The following SEL1L3 variants were observed in gnomAD, a reference collection of about 807,000 sequenced individuals.
The protein encoded by SEL1L3 is SEL1L family member 3.
In SEL1L3, 76 loss-of-function variants were observed where a neutral mutation model predicts 142.8. That is an observed-to-expected ratio of 0.53 (90% CI 0.44 to 0.64). SEL1L3 has a LOEUF of 0.64. Ranked by LOEUF, SEL1L3 falls within the 30% of genes least tolerant of loss-of-function variation. The probability of loss-of-function intolerance (pLI) is 0.00; values close to 1 mark genes in which losing one functional copy is unlikely to be tolerated. For missense variants in SEL1L3, 1,262 were observed against 1,381.7 expected (o/e 0.91, Z 1.37); for synonymous variants, 504 against 519.6 (o/e 0.97, Z 0.41).
At chr4:25,743,889 C>A (rs1173027120), downstream of SEL1L3, among the ~76,000 whole-genome samples, 1 of 152,112 alleles carries the variant, frequency 6.6e-6, no homozygotes, top group Non-Finnish European at 1.5e-5. Context: ...GTGCAGGGTT[C>A]TATTCCAGCC....
At chr4:25,719,812 G>A in the SEL1L3 span, 5 of 152,066 alleles carry the variant, frequency 3.3e-5, no homozygotes, top group African/African-American at 1.2e-4. Context: ...GTAAGGAAAG[G>A]CCCACGGCAG....
chr4:25,863,516 C>T (rs995401686), upstream of SEL1L3: 118 of 702,736 alleles, frequency 1.7e-4, 2 homozygotes, highest in East Asian at 3.1e-3. Flanking sequence ...GCGCCATTCC[C>T]GCAGGGCGCA....
intron 1 of SEL1L3, among the ~76,000 whole-genome samples, chr4:25,852,121 A>G (rs771215641): frequency 5.9e-5 from 9 of 152,186 alleles, no homozygotes; most frequent in Non-Finnish European, 1.0e-4. Context: ...ACATATAAAA[A>G]TCATCTCATA....
intron 23 of SEL1L3, among the ~76,000 whole-genome samples, chr4:25,752,208 G>A (rs1193887236): frequency 6.7e-6 from 1 of 150,018 alleles, no homozygotes; most frequent in Middle Eastern, 3.3e-3. Flanking sequence ...CTTGAGGTCA[G>A]GAGTTCAAGA....
At chr4:25,825,213 AT>A (rs1408600770) in intron 6 of SEL1L3, among the ~76,000 whole-genome samples, 1 of 152,150 alleles carries the variant, frequency 6.6e-6, no homozygotes, top group Non-Finnish European at 1.5e-5. Flanking sequence ...AATTGTCATT[AT>A]TATCAAGCAA....
intron 2 of SEL1L3, among the ~76,000 whole-genome samples, chr4:25,840,830 TCAA>T (rs1372555350): frequency 6.6e-6 from 1 of 152,118 alleles, no homozygotes; most frequent in Admixed American, 6.5e-5. Flanking sequence ...AGAATCCTAC[TCAA>T]CACCATGCTC....
chr4:25,758,155 A>T (rs1236219552), intron 21 of SEL1L3, among the ~76,000 whole-genome samples: 1 of 152,206 alleles, frequency 6.6e-6, no homozygotes. Flanking sequence ...AGATGTAGGA[A>T]TGCCTCATCT....
intron 14 of SEL1L3, among the ~76,000 whole-genome samples, chr4:25,783,899 A>G (rs777651588): frequency 7.9e-5 from 12 of 152,026 alleles, no homozygotes; most frequent in Non-Finnish European, 1.8e-4. Context: ...TACCCATCCA[A>G]TTTCCAGGGG....
At chr4:25,720,365 GT>G in the SEL1L3 span, 1 of 152,150 alleles carries the variant, frequency 6.6e-6, no homozygotes, top group Admixed American at 6.5e-5. Flanking sequence ...TAAATATTAA[GT>G]TGTGGGATCC....
At chr4:25,816,585 G>A (rs924809403) in intron 9 of SEL1L3, among the ~76,000 whole-genome samples, 4 of 151,998 alleles carry the variant, frequency 2.6e-5, no homozygotes, top group Admixed American at 6.6e-5. Flanking sequence ...AGCTCCACCC[G>A]CTTCTAATTC....
intron 1 of SEL1L3, among the ~76,000 whole-genome samples, chr4:25,857,134 A>C (rs1717316008): frequency 6.6e-6 from 1 of 152,158 alleles, no homozygotes; most frequent in Admixed American, 6.5e-5. Flanking sequence ...TAAAGGGCCT[A>C]TTTTTGTAAT....
chr4:25,795,556 G>A (rs1412424802), intron 11 of SEL1L3, among the ~76,000 whole-genome samples: 1 of 152,342 alleles, frequency 6.6e-6, no homozygotes, highest in East Asian at 1.9e-4. Flanking sequence ...CAACATGACA[G>A]GTGCAGACCA....
chr4:25,726,278 C>T, the SEL1L3 span, among the ~76,000 whole-genome samples: 1 of 151,760 alleles, frequency 6.6e-6, no homozygotes. Flanking sequence ...ACCTGTAATC[C>T]CAGCACTTTG....
At position 25,788,899 on chromosome 4, in the gene SEL1L3, C is replaced by G. The variant is rs577621284; in HGVS notation, c.2077-535G>C. Among the ~76,000 whole-genome samples, 464 of 152,226 alleles carry G rather than the reference C, an allele frequency of 3.0e-3. 1 individual carries two copies. The highest frequency in any genetic ancestry group is 0.011 in the African/African-American group (440 of 41,532). On this transcript the variant is annotated intron_variant, in intron 12 of 23. Transcript: ENST00000399878. This position sits in a 1 kb window ranked among gnomAD's most constrained non-coding sequence, Gnocchi z 5.3. Reference sequence around the variant, plus strand: ...ATCTTTGTCCCTGTCTGTTAGCCCCCCAACCCAGCAGAGCTCAGCAGGTCA... The same window carrying G: ...ATCTTTGTCCCTGTCTGTTAGCCCCGCAACCCAGCAGAGCTCAGCAGGTCA...
intron 6 of SEL1L3, among the ~76,000 whole-genome samples, chr4:25,829,203 C>T (rs926431175): frequency 1.3e-5 from 2 of 152,154 alleles, no homozygotes; most frequent in Non-Finnish European, 2.9e-5. Context: ...AAACTCATAG[C>T]CTCAAGTAAT....
chr4:25,732,688 T>C, the SEL1L3 span, among the ~76,000 whole-genome samples: 1 of 152,100 alleles, frequency 6.6e-6, no homozygotes, highest in Non-Finnish European at 1.5e-5. Flanking sequence ...TTTTTTGTAC[T>C]GGATTGGGTC....
At chr4:25,787,981 C>A (rs771360513) in intron 13 of SEL1L3, among the ~76,000 whole-genome samples, 1 of 152,162 alleles carries the variant, frequency 6.6e-6, no homozygotes, top group South Asian at 2.1e-4. Flanking sequence ...TCCAGAATGC[C>A]GTGGTTCTTG....
chr4:25,793,254 G>A (rs1163411305), intron 11 of SEL1L3, among the ~76,000 whole-genome samples: 1 of 152,130 alleles, frequency 6.6e-6, no homozygotes, highest in Non-Finnish European at 1.5e-5. Context: ...TCTGGGTGGT[G>A]ACGTAAATGG....
At position 25,767,742 on chromosome 4, in the gene SEL1L3, G is replaced by T. The variant is rs1489958487; in HGVS notation, c.2758C>A (p.Pro920Thr). The change falls in exon 18 of 24, where the codon CCA (proline) becomes ACA (threonine). Residue 920 changes from proline to threonine, a missense_variant and splice_region_variant. Pro to Thr is a conservative substitution (Grantham distance 38). This residue lies in a region of SEL1L3 where 435 missense variants were observed against 559.2 expected (regional missense o/e 0.78). Coordinates refer to ENST00000399878, the MANE Select transcript of SEL1L3 (RefSeq NM_015187.5). ...CTGAGAAGAATACATTTACTTACTGGCCTCTCCTCACAGATGTGTGCTAAA... is the reference window on the plus strand; with the variant it reads ...CTGAGAAGAATACATTTACTTACTGTCCTCTCCTCACAGATGTGTGCTAAA... ...TNLAHICEER[P>T]DLARRYLGVN... The T allele has an allele frequency of 6.4e-7, 1 of 1,563,568 alleles. No individual in the cohort carries two copies. Among genetic ancestry groups the T allele is most frequent in the Non-Finnish European group, 8.7e-7 (1 of 1,147,062 alleles).
Sources: gnomAD v4.1 joint callset for allele counts (sites outside exome capture counted in the v4.1 genomes callset) on GRCh38, gnomAD v4.1.1 for gene constraint, gnomAD v4.1.1 regional missense constraint, Gnocchi (gnomAD v3.1) non-coding constraint, MANE v1.5 for transcripts, NCBI Gene and HGNC (gene_info 2026-07-23, HGNC 2026-07-21) for gene names.